Variants in KCNK17 observed in about 807,000 individuals in gnomAD.
KCNK17 encodes potassium two pore domain channel subfamily K member 17, also known as potassium channel subfamily K member 17.
A neutral mutation model predicts 24.6 loss-of-function variants in KCNK17; 27 were observed. The observed-to-expected ratio is 1.10, with a 90% CI of 0.81 to 1.51. The LOEUF is 1.51. KCNK17 is among the 40% of genes most tolerant of loss of function. KCNK17 has a pLI of 0.00. For synonymous variants in KCNK17, 181 were observed against 189.8 expected (o/e 0.95, Z 0.38); for missense variants, 450 against 436.6 (o/e 1.03, Z -0.27).
intron 2 of KCNK17, among the ~76,000 whole-genome samples, chr6:39,309,096 C>T (rs1045090319): frequency 3.3e-5 from 5 of 152,182 alleles, no homozygotes; most frequent in African/African-American, 7.2e-5. Context: ...GAGGCCAAGG[C>T]GGGTGGATCA....
At chr6:39,303,901 G>T (rs1039960191) in intron 4 of KCNK17, 56 bp downstream of exon 4, 10 of 1,574,168 alleles carry the variant, frequency 6.4e-6, no homozygotes, top group Middle Eastern at 3.3e-4. Context: ...GAGCAGATGA[G>T]TGAGAGGTAT....
intron 2 of KCNK17, among the ~76,000 whole-genome samples, chr6:39,305,175 T>C (rs1236488108): frequency 1.3e-5 from 2 of 152,228 alleles, no homozygotes; most frequent in Non-Finnish European, 2.9e-5. Context: ...ACCTTTGCTC[T>C]GGGATCCCCA....
chr6:39,299,697 G>A lies in KCNK17; in HGVS notation c.729C>T (p.Asn243=). ...PSQRYPLWYK[N]MVSLWILFGM... Reference sequence around the variant, plus strand: ...CAAAGAGGATCCACAGGGACACCATGTTCTTGTACCACAGTGGGTACCTCT... The same window carrying A: ...CAAAGAGGATCCACAGGGACACCATATTCTTGTACCACAGTGGGTACCTCT... Residue 243 remains asparagine, a synonymous_variant, in exon 5 of 5, where the codon AAC becomes AAT. Transcript: ENST00000373231. 1.2e-6 allele frequency: 2 copies of A among 1,614,188 alleles called. No homozygotes were observed. The highest frequency in any genetic ancestry group is 2.2e-5 in the East Asian group (1 of 44,884).
rs566450809 is a variant in KCNK17, at chr6:39,304,116, G to A, written c.529C>T (p.Arg177Trp). 13 of 1,609,210 alleles carry A rather than the reference G, an allele frequency of 8.1e-6. No individual in the cohort carries two copies. Among genetic ancestry groups the A allele is most frequent in the African/African-American group, 1.3e-5 (1 of 75,006 alleles). ...AGGGCGCCAGAGCCCGCCAGCCACC[G>A]CGCCTTGTCAGGATCCTGTGGGTGC... ...GGTWQDPDKARWLAGSGALLS... is the reference protein window; with the variant it reads ...GGTWQDPDKAWWLAGSGALLS... Residue 177 changes from arginine (R) to tryptophan (W), a missense_variant, in exon 4 of 5, where the codon CGG becomes TGG. Arg to Trp is a moderately radical substitution (Grantham distance 101). Transcript: ENST00000373231.
At chr6:39,308,834 T>C (rs896916301) in intron 2 of KCNK17, among the ~76,000 whole-genome samples, 4 of 152,218 alleles carry the variant, frequency 2.6e-5, no homozygotes, top group Admixed American at 1.3e-4. Context: ...GCATTCCAGA[T>C]GTACCTCATC....
chr6:39,302,445 G>T (rs895586819), intron 4 of KCNK17, among the ~76,000 whole-genome samples: 2 of 152,220 alleles, frequency 1.3e-5, no homozygotes, highest in African/African-American at 2.4e-5. Flanking sequence ...AGCTGGGCAG[G>T]TGACATCATA....
intron 4 of KCNK17, chr6:39,300,506 C>A: frequency 6.4e-7 from 1 of 1,551,308 alleles, no homozygotes; most frequent in Non-Finnish European, 8.7e-7. Context: ...TTTCTCGTAT[C>A]TGAAATGAGG....
intron 4 of KCNK17, among the ~76,000 whole-genome samples, chr6:39,303,307 G>A (rs1022290685): frequency 3.9e-5 from 6 of 152,178 alleles, no homozygotes; most frequent in Middle Eastern, 3.2e-3. Context: ...GGGCGGTGAT[G>A]AGGCTGAGCT....
chr6:39,311,092 A>G (rs1762128534), intron 1 of KCNK17, 85 bp from the exon 2 acceptor site: 1 of 491,174 alleles, frequency 2.0e-6, no homozygotes. Flanking sequence ...ACACACACAC[A>G]CACACACACA....
At chr6:39,311,549 T>C (rs533770983) in intron 1 of KCNK17, among the ~76,000 whole-genome samples, 2 of 152,350 alleles carry the variant, frequency 1.3e-5, no homozygotes, top group African/African-American at 2.4e-5. Flanking sequence ...ACCTGTATAA[T>C]GGTAATACAA....
At chr6:39,311,071 T>TTCAC in intron 1 of KCNK17, 64 bp from the exon 2 acceptor site, 8 of 662,518 alleles carry the variant, frequency 1.2e-5, no homozygotes, top group Admixed American at 2.3e-5. Context: ...TACCCCAAGA[T>TTCAC]GCACACACAC....
At chr6:39,313,145 G>A (rs972198572) in intron 1 of KCNK17, among the ~76,000 whole-genome samples, 1 of 152,208 alleles carries the variant, frequency 6.6e-6, no homozygotes, top group Non-Finnish European at 1.5e-5. Flanking sequence ...CAGGACCCAG[G>A]ACATCAATGC....
At chr6:39,314,043 C>T in intron 1 of KCNK17, 41 bp downstream of exon 1, 1 of 1,478,494 alleles carries the variant, frequency 6.8e-7, no homozygotes, top group South Asian at 1.3e-5. Context: ...GGCCCGCTAC[C>T]CCATCCCGCC....
At chr6:39,311,097 CACACACACACACACACACACACA>C in intron 1 of KCNK17, 90 bp from the exon 2 acceptor site, 1 of 562,458 alleles carries the variant, frequency 1.8e-6, no homozygotes. Context: ...CACACACACA[CACACACACACACACACACACACA>C]AACAAACCTA....
chr6:39,312,422 C>A (rs1220286941), intron 1 of KCNK17, among the ~76,000 whole-genome samples: 2 of 152,124 alleles, frequency 1.3e-5, no homozygotes, highest in Non-Finnish European at 2.9e-5. Flanking sequence ...GAGATGACAG[C>A]CTGGCTGGGA....
intron 2 of KCNK17, among the ~76,000 whole-genome samples, chr6:39,309,201 G>A (rs949355415): frequency 6.6e-6 from 1 of 152,264 alleles, no homozygotes; most frequent in African/African-American, 2.4e-5. Flanking sequence ...GCAAGTGCCT[G>A]TAGTCCCAGC....
At chr6:39,300,586 T>A in intron 4 of KCNK17, 1 of 1,498,356 alleles carries the variant, frequency 6.7e-7, no homozygotes, top group Non-Finnish European at 9.1e-7. Flanking sequence ...GACTCGGTTC[T>A]TCAGCCACCT....
chr6:39,309,878 C>T (rs1254294003), intron 2 of KCNK17, among the ~76,000 whole-genome samples: 2 of 152,158 alleles, frequency 1.3e-5, no homozygotes, highest in African/African-American at 2.4e-5. Context: ...GGCTCAGGGC[C>T]GCTGGAGTCT....
chr6:39,300,975 A>G (rs2113833901), intron 4 of KCNK17, among the ~76,000 whole-genome samples: 1 of 152,320 alleles, frequency 6.6e-6, no homozygotes, highest in East Asian at 1.9e-4. Flanking sequence ...AAATGGAGAC[A>G]GTAAGAGTCC....
Sources: gnomAD v4.1 joint callset for allele counts (sites outside exome capture counted in the v4.1 genomes callset) on GRCh38, gnomAD v4.1.1 for gene constraint, MANE v1.5 for transcripts, NCBI Gene and HGNC (gene_info 2026-07-23, HGNC 2026-07-21) for gene names.